Variants in TIAM1 observed in about 807,000 individuals in gnomAD.
TIAM1 encodes the protein TIAM Rac1 associated GEF 1.
Under a neutral mutation model 163.5 loss-of-function variants are expected in TIAM1, and 65 were observed. That is an observed-to-expected ratio of 0.40 (90% confidence interval 0.33 to 0.49). The LOEUF (loss-of-function observed/expected upper bound fraction) is 0.49, where lower values mean the gene tolerates loss of function less well. TIAM1 is among the 20% of genes least tolerant of loss of function. The pLI is 0.77. For synonymous variants in TIAM1, 833 were observed against 810.1 expected, an observed-to-expected ratio of 1.03 and a Z score of -0.48; for missense variants, 1,789 against 2,044.7, an observed-to-expected ratio of 0.87 and a Z score of 2.41.
chr21:31,312,746 G>A (rs75709797), intron 2 of TIAM1, among the ~76,000 whole-genome samples: 503 of 152,240 alleles, frequency 3.3e-3, no homozygotes, highest in Non-Finnish European at 5.5e-3. Context: ...TCCAACGCAG[G>A]TCCACTTGCT....
rs796869959 is a variant in TIAM1, at chr21:31,124,409, C to T, written c.4306+113G>A. The T allele has an allele frequency of 1.9e-5, 28 of 1,439,324 alleles. No individual in the cohort carries two copies. In the African/African-American group the frequency reaches 3.0e-4, roughly 16 times the overall value. 89.2% of individuals were successfully genotyped at this position (1,439,324 alleles called of 1,614,324 possible). ...CCAGGGAAAAACCGTCCTCCTACAT[C>T]AGCCCCCACCAGGCCACACCTCACC... On this transcript the variant is annotated intron_variant, in intron 27 of 27. Transcript: ENST00000541036.
chr21:31,320,255 C>T (rs2075268815), intron 2 of TIAM1, among the ~76,000 whole-genome samples: 2 of 152,028 alleles, frequency 1.3e-5, no homozygotes, highest in Admixed American at 1.3e-4. Flanking sequence ...CTGGAATAGG[C>T]AAATTCATAA....
chr21:31,501,316 A>AT (rs971894095), intron 1 of TIAM1, among the ~76,000 whole-genome samples: 5 of 151,928 alleles, frequency 3.3e-5, no homozygotes, highest in Non-Finnish European at 5.9e-5. Flanking sequence ...GGGGTGCTGG[A>AT]TTTTTTTTGT....
At chr21:31,218,320 C>T (rs777710436) in intron 8 of TIAM1, among the ~76,000 whole-genome samples, 1 of 152,148 alleles carries the variant, frequency 6.6e-6, no homozygotes, top group Non-Finnish European at 1.5e-5. Context: ...GTAATCCCAG[C>T]ACTTTAGGAG....
At chr21:31,268,018 C>G (rs1480481890) in intron 3 of TIAM1, among the ~76,000 whole-genome samples, 1 of 152,192 alleles carries the variant, frequency 6.6e-6, no homozygotes, top group Non-Finnish European at 1.5e-5. Context: ...AACTGTGACT[C>G]TACTTAGCCT....
chr21:31,359,227 A>C lies in TIAM1; in HGVS notation c.-368-19805T>G, dbSNP rs1328338456. Among the ~76,000 whole-genome samples the C allele has an allele frequency of 3.3e-5, 5 of 152,202 alleles. No homozygotes were observed. The East Asian group carries it at 9.6e-4, about 29-fold the overall frequency. On this transcript the variant is annotated intron_variant, in intron 2 of 28. Transcript: ENST00000286827. Reference sequence around the variant, plus strand: ...TGAATCATTAAGTTAAACTTAATTAATTCATTTAAAATGAAGACGTAACTC... The same window carrying C: ...TGAATCATTAAGTTAAACTTAATTACTTCATTTAAAATGAAGACGTAACTC...
At chr21:31,462,419 C>A (rs1041278749) in intron 2 of TIAM1, among the ~76,000 whole-genome samples, 2 of 152,202 alleles carry the variant, frequency 1.3e-5, no homozygotes, top group African/African-American at 4.8e-5. Flanking sequence ...TCCAGTTGAT[C>A]CTAATGTATC....
chr21:31,443,703 G>C (rs2044517747), intron 2 of TIAM1, among the ~76,000 whole-genome samples: 1 of 152,156 alleles, frequency 6.6e-6, no homozygotes, highest in African/African-American at 2.4e-5. Context: ...TTTAGCTTCT[G>C]AAATATAATT....
Position 31,135,937 on chromosome 21 carries a change from T to A in TIAM1, c.3879A>T (p.Ala1293=). Reference sequence around the variant, plus strand: ...AAACGCTTTTCTGATACACACCGAATGCTGCCAACTCTGGTTCCTTTTTCC... The same window carrying A: ...AAACGCTTTTCTGATACACACCGAAAGCTGCCAACTCTGGTTCCTTTTTCC... ...GKWKKEPELA[A]FVFKTAVVLV... is the part of the protein sequence containing the mutation. The change falls in exon 23 of 28, where the codon GCA becomes GCT. Residue 1293 remains alanine (A), a synonymous_variant. Coordinates refer to ENST00000541036, the MANE Select transcript of TIAM1 (RefSeq NM_001353694.2). The A allele has an allele frequency of 6.2e-7, 1 of 1,614,178 alleles. No homozygotes were observed. Among genetic ancestry groups the A allele is most frequent in the Non-Finnish European group, 8.5e-7 (1 of 1,179,994 alleles).
intron 2 of TIAM1, among the ~76,000 whole-genome samples, chr21:31,295,413 TGCGCCGAGATCACGCCAC>T (rs2074211234): frequency 7.3e-6 from 1 of 136,446 alleles, no homozygotes; most frequent in Non-Finnish European, 1.5e-5. Context: ...GAGCTTGCAG[TGCGCCGAGATCACGCCAC>T]TGCATTCCAG....
At chr21:31,275,369 T>TA (rs2073252646) in intron 3 of TIAM1, among the ~76,000 whole-genome samples, 1 of 152,172 alleles carries the variant, frequency 6.6e-6, no homozygotes, top group Non-Finnish European at 1.5e-5. Flanking sequence ...AATTTTTTTT[T>TA]ACAGTTGAAG....
At chr21:31,418,004 G>C (rs2043432894) in intron 2 of TIAM1, among the ~76,000 whole-genome samples, 1 of 152,072 alleles carries the variant, frequency 6.6e-6, no homozygotes, top group Admixed American at 6.6e-5. Context: ...TTTTATTTCG[G>C]GGCAATTGGA....
At chr21:31,210,804 A>AAG (rs1182298521) in intron 10 of TIAM1, among the ~76,000 whole-genome samples, 1 of 148,354 alleles carries the variant, frequency 6.7e-6, no homozygotes, top group African/African-American at 2.5e-5. Flanking sequence ...GAAAGAAAGA[A>AAG]AGAAAGAAAG....
chr21:31,331,472 C>G (rs2075676947), intron 2 of TIAM1, among the ~76,000 whole-genome samples: 1 of 152,116 alleles, frequency 6.6e-6, no homozygotes, highest in South Asian at 2.1e-4. Flanking sequence ...AATGTTATTC[C>G]AAAAGAAACT....
intron 2 of TIAM1, among the ~76,000 whole-genome samples, chr21:31,285,652 G>A (rs2073775648): frequency 6.6e-6 from 1 of 152,172 alleles, no homozygotes; most frequent in African/African-American, 2.4e-5. Context: ...TTGAGGTCAG[G>A]AGTTAAGAGT....
intron 2 of TIAM1, among the ~76,000 whole-genome samples, chr21:31,432,727 C>T (rs1335060940): frequency 6.6e-6 from 1 of 152,212 alleles, no homozygotes; most frequent in African/African-American, 2.4e-5. Flanking sequence ...CATGCCCCTG[C>T]AGTGTCAGGA....
At chr21:31,558,355 T>C (rs1569433559) in intron 1 of TIAM1, among the ~76,000 whole-genome samples, 2 of 151,848 alleles carry the variant, frequency 1.3e-5, no homozygotes, top group African/African-American at 2.4e-5. Context: ...GGTCCCCAGC[T>C]CCGTGCGCCG....
chr21:31,451,319 A>G (rs1475746672), intron 2 of TIAM1, among the ~76,000 whole-genome samples: 1 of 152,190 alleles, frequency 6.6e-6, no homozygotes, highest in Non-Finnish European at 1.5e-5. Flanking sequence ...GCTGCCAAAC[A>G]GCAGCATGTT....
At chr21:31,368,136 C>A (rs2076530964) in intron 2 of TIAM1, among the ~76,000 whole-genome samples, 1 of 152,186 alleles carries the variant, frequency 6.6e-6, no homozygotes, top group South Asian at 2.1e-4. Flanking sequence ...CTTTAACCAA[C>A]TTGATGGCAA....
Sources: allele counts gnomAD v4.1 joint callset (sites outside exome capture counted in the v4.1 genomes callset), GRCh38; gene constraint gnomAD v4.1.1; transcripts MANE v1.5; gene names NCBI Gene and HGNC (gene_info 2026-07-23, HGNC 2026-07-21).